Variants in ELAVL3 observed in about 807,000 individuals in gnomAD.
ELAVL3 encodes the protein ELAV-like protein 3.
Under a neutral mutation model 34.2 loss-of-function variants are expected in ELAVL3, and 8 were observed. The observed-to-expected ratio is 0.23, with a 90% confidence interval of 0.14 to 0.42. The LOEUF is 0.42. ELAVL3 is among the 10% of genes least tolerant of loss of function. ELAVL3 has a pLI of 1.00. For missense variants in ELAVL3, 273 were observed against 518.8 expected, an observed-to-expected ratio of 0.53 and a Z score of 4.60; for synonymous variants, 209 against 222.1, an observed-to-expected ratio of 0.94 and a Z score of 0.53.
chr19:11,476,099 G>C (rs1489066513), intron 1 of ELAVL3, among the ~76,000 whole-genome samples: 2 of 152,208 alleles, frequency 1.3e-5, no homozygotes, highest in African/African-American at 4.8e-5. Flanking sequence ...AACATGCACT[G>C]CACAGCTCTG....
Position 11,480,714 on chromosome 19 carries a change from C to T in ELAVL3, c.-106G>A, listed in dbSNP as rs1337444417. The stretch of plus-strand genomic sequence containing the variant: ...CGCTGGGGTCCCGCCCGGGCGGCCT[C>T]TGGTGCGGCCGCTGCAGATGTGGCG... On this transcript the variant is annotated 5_prime_UTR_variant, in exon 1 of 7. Transcript: ENST00000359227. This position sits in a 1 kb window ranked among gnomAD's most constrained non-coding sequence, Gnocchi z 6.8. 1 of 1,130,360 alleles carries T rather than the reference C, an allele frequency of 8.8e-7. No homozygotes were observed. The highest frequency in any genetic ancestry group is 3.2e-5 in the Admixed American group (1 of 31,576). 70.0% of individuals were successfully genotyped at this position (1,130,360 alleles called of 1,614,324 possible). A position where few individuals can be genotyped will look rare whatever the true frequency, so the allele number is the denominator to read the frequency against.
chr19:11,454,411 C>T lies in ELAVL3; in HGVS notation c.*115G>A, dbSNP rs1326660016. ...CCGCAGGGACGTGGGGCCCTCGCGTCGTCCGTGGGGCTGCCTGTGCTGTCT... is the reference window on the plus strand; with the variant it reads ...CCGCAGGGACGTGGGGCCCTCGCGTTGTCCGTGGGGCTGCCTGTGCTGTCT... On this transcript the variant is annotated 3_prime_UTR_variant, in exon 7 of 7. Coordinates refer to ENST00000359227, the MANE Select transcript of ELAVL3 (RefSeq NM_001420.4). The surrounding 1 kb of genome is among the most constrained non-coding windows in gnomAD (Gnocchi z 9.2). 4.7e-6 allele frequency: 5 copies of T among 1,066,296 alleles called. No individual in the cohort carries two copies. Among genetic ancestry groups the T allele is most frequent in the Admixed American group, 2.8e-5 (1 of 36,348 alleles). The allele number at this position is 1,066,296 out of a possible 1,614,324, so 66.1% of individuals were successfully genotyped here.
intron 5 of ELAVL3, 119 bp from the exon 6 acceptor site, chr19:11,457,267 C>A (rs1019413358): frequency 8.9e-7 from 1 of 1,121,184 alleles, no homozygotes; most frequent in Non-Finnish European, 1.2e-6. Context: ...CTGCCCCCGC[C>A]TGCCTGCTCC....
chr19:11,462,174 CA>C (rs775716481), intron 3 of ELAVL3, among the ~76,000 whole-genome samples: 108 of 73,730 alleles, frequency 1.5e-3, no homozygotes, highest in Middle Eastern at 6.6e-3. Flanking sequence ...GACTCCGTCT[CA>C]AAAAAAAAAA....
intron 5 of ELAVL3, 147 bp downstream of exon 5, chr19:11,457,914 T>C: frequency 2.6e-6 from 2 of 777,082 alleles, no homozygotes; most frequent in Non-Finnish European, 4.1e-6. Flanking sequence ...TATGAGTGGC[T>C]GGCCTTGGCA....
Position 11,480,502 on chromosome 19 carries a change from T to A in ELAVL3, c.9+98A>T. 4 of 1,037,442 alleles carry A rather than the reference T, an allele frequency of 3.9e-6. No individual in the cohort carries two copies. Among genetic ancestry groups the A allele is most frequent in the Non-Finnish European group, 5.3e-6 (4 of 761,156 alleles). The allele number at this position is 1,037,442 out of a possible 1,614,324, so 64.3% of individuals were successfully genotyped here. On this transcript the variant is annotated intron_variant, in intron 1 of 6. Coordinates refer to ENST00000359227, the MANE Select transcript of ELAVL3 (RefSeq NM_001420.4). The surrounding 1 kb of genome is among the most constrained non-coding windows in gnomAD (Gnocchi z 6.8). The stretch of plus-strand genomic sequence containing the variant: ...CCCCCAACCCGGGCCTAGCTAGGCC[T>A]GGTCCTACCCCCCCCGCCGCACCCG...
At chr19:11,456,137 A>C in intron 6 of ELAVL3, among the ~76,000 whole-genome samples, 1 of 147,242 alleles carries the variant, frequency 6.8e-6, no homozygotes, top group African/African-American at 2.5e-5. Flanking sequence ...ACGGAATCTC[A>C]CTCTGTCGCC....
intron 1 of ELAVL3, among the ~76,000 whole-genome samples, chr19:11,478,598 C>A (rs1971307756): frequency 6.6e-6 from 1 of 152,082 alleles, no homozygotes; most frequent in Non-Finnish European, 1.5e-5. Context: ...TTCTAAGTCT[C>A]CCCCGACTTT....
chr19:11,478,558 A>G lies in ELAVL3; in HGVS notation c.9+2042T>C, dbSNP rs531934257. Among the ~76,000 whole-genome samples the G allele has an allele frequency of 3.0e-3, 460 of 152,196 alleles. 3 individuals carry two copies. The Middle Eastern group carries it at 0.034, about 11-fold the overall frequency. On this transcript the variant is annotated intron_variant, in intron 1 of 6. Transcript: ENST00000359227. ...GAGGGCAGATAAAAGATGGAGGGTT[A>G]GGGAAGCTTCCCATTCTCTCCAGTG...
chr19:11,464,720 ACAC>A (rs199980571), intron 3 of ELAVL3, among the ~76,000 whole-genome samples: 1,284 of 49,518 alleles, frequency 0.026, 19 homozygotes, highest in African/African-American at 0.089. Context: ...CCACACACAC[ACAC>A]ATCACACACA....
Position 11,480,622 on chromosome 19 carries a change from G to A in ELAVL3, c.-14C>T. The A allele has an allele frequency of 6.9e-7, 1 of 1,454,826 alleles. No individual in the cohort carries two copies. Among genetic ancestry groups the A allele is most frequent in the South Asian group, 1.5e-5 (1 of 66,688 alleles). 90.1% of individuals were successfully genotyped at this position (1,454,826 alleles called of 1,614,324 possible). On this transcript the variant is annotated 5_prime_UTR_variant, in exon 1 of 7. Coordinates refer to ENST00000359227, the MANE Select transcript of ELAVL3 (RefSeq NM_001420.4). This position sits in a 1 kb window ranked among gnomAD's most constrained non-coding sequence, Gnocchi z 6.8. ...TACAGTGACCATTCTTGTGTGCCCGGCGGGCGCGGTCCGTGTTGAGGGGGG... is the reference window on the plus strand; with the variant it reads ...TACAGTGACCATTCTTGTGTGCCCGACGGGCGCGGTCCGTGTTGAGGGGGG...
chr19:11,464,151 C>CTCTCTCTCTA (rs1215435723), intron 3 of ELAVL3, among the ~76,000 whole-genome samples: 5 of 86,494 alleles, frequency 5.8e-5, no homozygotes, highest in African/African-American at 6.1e-5. Flanking sequence ...CTCTCTCTCT[C>CTCTCTCTCTA]TATATATATA....
chr19:11,452,714 G>A lies in ELAVL3; in HGVS notation c.*1812C>T, dbSNP rs1236686805. The A allele has an allele frequency of 6.6e-6, 1 of 151,954 alleles. No homozygotes were observed. The highest frequency in any genetic ancestry group is 1.5e-5 in the Non-Finnish European group (1 of 68,018). The allele number at this position is 151,954 out of a possible 1,614,324, so 9.4% of individuals were successfully genotyped here. A position where few individuals can be genotyped will look rare whatever the true frequency, so the allele number is the denominator to read the frequency against. On this transcript the variant is annotated 3_prime_UTR_variant, in exon 7 of 7. Coordinates refer to ENST00000359227, the MANE Select transcript of ELAVL3 (RefSeq NM_001420.4). Reference sequence around the variant, plus strand: ...ACCAAACGTGGGGACACCGGGGGAAGGCAACTTAACTATAGCTAAAGTCGG... The same window carrying A: ...ACCAAACGTGGGGACACCGGGGGAAAGCAACTTAACTATAGCTAAAGTCGG...
Position 11,452,961 on chromosome 19 carries a change from G to C in ELAVL3, c.*1565C>G, listed in dbSNP as rs1329249476. 1 of 152,284 alleles carries C rather than the reference G, an allele frequency of 6.6e-6. No individual in the cohort carries two copies. Among genetic ancestry groups the C allele is most frequent in the Non-Finnish European group, 1.5e-5 (1 of 68,080 alleles). The allele number at this position is 152,284 out of a possible 1,614,324, so 9.4% of individuals were successfully genotyped here. ...AGACGAAAAACCCAACAAACCGAAA[G>C]GGGATAGGTAGGTGACAAGTGGACG... On this transcript the variant is annotated 3_prime_UTR_variant, in exon 7 of 7. Coordinates refer to ENST00000359227, the MANE Select transcript of ELAVL3 (RefSeq NM_001420.4).
At chr19:11,465,292 C>CCA (rs1232612468) in intron 3 of ELAVL3, among the ~76,000 whole-genome samples, 131 of 121,396 alleles carry the variant, frequency 1.1e-3, no homozygotes, top group South Asian at 1.6e-3. Context: ...CACACACACA[C>CCA]CACACACACA....
In ELAVL3 at chr19:11,466,820, A is replaced by G; in HGVS notation, c.17T>C (p.Leu6Pro). 1 of 1,602,918 alleles carries G rather than the reference A, an allele frequency of 6.2e-7. No homozygotes were observed. Among genetic ancestry groups the G allele is most frequent in the Non-Finnish European group, 8.5e-7 (1 of 1,174,532 alleles). ...CCCCACCTGAGACTCCATGGCCCCC[A>G]GTATCTGCTGGAGATAACAGGTCGC... Reference protein sequence around the residue: MVTQILGAMESQVGGG... With the variant: MVTQIPGAMESQVGGG... The change falls in exon 2 of 7, where the codon CTG (leucine) becomes CCG (proline). Residue 6 changes from leucine to proline, a missense_variant. Physicochemically the swap from Leu to Pro is moderately conservative, Grantham distance 98. Transcript: ENST00000359227. The surrounding 1 kb of genome is among the most constrained non-coding windows in gnomAD (Gnocchi z 5.0).
intron 3 of ELAVL3, among the ~76,000 whole-genome samples, chr19:11,464,167 A>AT (rs1236599277): frequency 0.021 from 2,174 of 103,654 alleles, 34 homozygotes; most frequent in African/African-American, 0.033. Context: ...ATATATATAT[A>AT]TTTTTTTTTT....
At chr19:11,473,589 A>C (rs1465259538) in intron 1 of ELAVL3, among the ~76,000 whole-genome samples, 1 of 152,212 alleles carries the variant, frequency 6.6e-6, no homozygotes, top group Non-Finnish European at 1.5e-5. Flanking sequence ...AGCACTCTAC[A>C]TGCAAGTTTT....
chr19:11,454,781 G>A lies in ELAVL3; in HGVS notation c.849C>T (p.Gly283=), dbSNP rs1169245232. The A allele has an allele frequency of 3.1e-6, 5 of 1,612,678 alleles. No individual in the cohort carries two copies. Among genetic ancestry groups the A allele is most frequent in the East Asian group, 2.2e-5 (1 of 44,856 alleles). ...ACAGGTTGTACACGAAGATGCACCA[G>A]CCGGCGCCCGCCGCGCCCCCCGACA... ...VGLSGGAAGA[G]WCIFVYNLSP... Residue 283 remains glycine (G), a synonymous_variant, in exon 7 of 7, where the codon GGC becomes GGT. Coordinates refer to ENST00000359227, the MANE Select transcript of ELAVL3 (RefSeq NM_001420.4). The surrounding 1 kb of genome is among the most constrained non-coding windows in gnomAD (Gnocchi z 9.2).
Sources: gnomAD v4.1 joint callset for allele counts (sites outside exome capture counted in the v4.1 genomes callset) on GRCh38, gnomAD v4.1.1 for gene constraint, Gnocchi (gnomAD v3.1) non-coding constraint, MANE v1.5 for transcripts, NCBI Gene and HGNC (gene_info 2026-07-23, HGNC 2026-07-21) for gene names.